ARFGEF1: variants seen among roughly 807,000 people sequenced by gnomAD.
ARFGEF1 encodes the protein brefeldin A-inhibited guanine nucleotide-exchange protein 1.
ARFGEF1 carries 42 observed loss-of-function variants against 231.0 expected under a neutral mutation model. That is an observed-to-expected ratio of 0.18 (90% CI 0.14 to 0.24). The LOEUF is 0.24. ARFGEF1 is among the 10% of genes least tolerant of loss of function. The pLI is 1.00. For synonymous variants in ARFGEF1, 710 were observed against 732.3 expected (o/e 0.97, Z 0.49); for missense variants, 1,345 against 2,192.0 (o/e 0.61, Z 7.72).
chr8:67,343,038 G>A, intron 1 of ARFGEF1, 126 bp downstream of exon 1: 4 of 1,142,234 alleles, frequency 3.5e-6, no homozygotes, highest in South Asian at 1.5e-5. Context: ...AGAGGGCTCC[G>A]CGAGGGCTTC....
At chr8:67,209,890 T>C (rs1314785836) in intron 34 of ARFGEF1, among the ~76,000 whole-genome samples, 3 of 151,680 alleles carry the variant, frequency 2.0e-5, no homozygotes, top group South Asian at 2.1e-4. Flanking sequence ...CGGTGGCTCA[T>C]GCCTGTAATC....
chr8:67,290,569 G>C (rs1427960649), intron 6 of ARFGEF1, among the ~76,000 whole-genome samples: 1 of 152,126 alleles, frequency 6.6e-6, no homozygotes, highest in Non-Finnish European at 1.5e-5. Context: ...AGCAGTGGCT[G>C]TATCTCCATC....
Position 67,228,106 on chromosome 8 carries a change from C to T in ARFGEF1, c.3448G>A (p.Val1150Met). Residue 1150 changes from valine to methionine, a missense_variant, in exon 25 of 39, where the codon GTG becomes ATG. Physicochemically the swap from Val to Met is conservative, Grantham distance 21 (BLOSUM62 1). Around this residue, in one of 14 missense-constraint regions of ARFGEF1, gnomAD observed 146 missense variants for 321.4 expected, o/e 0.45. Coordinates refer to ENST00000262215, the MANE Select transcript of ARFGEF1 (RefSeq NM_006421.5). ...GTGGAAAGTAATTCATCCATAGACA[C>T]AGCACAGAGCCAACGGACAAAATCC... Reference protein sequence around the residue: ...IVDFVRWLCAVSMDELLSTTH... With the variant: ...IVDFVRWLCAMSMDELLSTTH... 2 of 1,610,172 alleles carry T rather than the reference C, an allele frequency of 1.2e-6. No individual in the cohort carries two copies. The highest frequency in any genetic ancestry group is 1.7e-6 in the Non-Finnish European group (2 of 1,178,698).
At chr8:67,252,141 G>A (rs896797665) in intron 18 of ARFGEF1, among the ~76,000 whole-genome samples, 3 of 151,886 alleles carry the variant, frequency 2.0e-5, no homozygotes, top group Non-Finnish European at 4.4e-5. Flanking sequence ...GTGTGGTGGC[G>A]CACGCCTGTA....
intron 9 of ARFGEF1, among the ~76,000 whole-genome samples, chr8:67,273,623 T>G (rs1805193779): frequency 6.6e-6 from 1 of 152,080 alleles, no homozygotes; most frequent in South Asian, 2.1e-4. Context: ...CTACTTTCTC[T>G]GAAATAAAAC....
At chr8:67,278,968 G>A (rs1201107763) in intron 7 of ARFGEF1, among the ~76,000 whole-genome samples, 1 of 151,634 alleles carries the variant, frequency 6.6e-6, no homozygotes, top group Non-Finnish European at 1.5e-5. Flanking sequence ...TATTACATAT[G>A]TAGAAAATGC....
At chr8:67,296,302 A>G (rs1439819331) in intron 5 of ARFGEF1, 129 bp downstream of exon 5, 1 of 859,184 alleles carries the variant, frequency 1.2e-6, no homozygotes, top group Non-Finnish European at 1.7e-6. Context: ...AATCTCCAGT[A>G]AGTGGAAATG....
intron 7 of ARFGEF1, 80 bp from the exon 8 acceptor site, chr8:67,277,537 T>C: frequency 7.5e-7 from 1 of 1,333,384 alleles, no homozygotes; most frequent in Non-Finnish European, 1.0e-6. Flanking sequence ...GTATTTAAAA[T>C]GAAACAGTGG....
Position 67,198,192 on chromosome 8 carries a change from T to G in ARFGEF1, c.*742A>C. On this transcript the variant is annotated 3_prime_UTR_variant, in exon 39 of 39. Coordinates refer to ENST00000262215, the MANE Select transcript of ARFGEF1 (RefSeq NM_006421.5). ...TGTTGAAGTGTCGGCCACAACAGCTTCTGGGCATGTTACAGCCTCAAAATC... is the reference window on the plus strand; with the variant it reads ...TGTTGAAGTGTCGGCCACAACAGCTGCTGGGCATGTTACAGCCTCAAAATC... 1 of 985,736 alleles carries G rather than the reference T, an allele frequency of 1.0e-6. No homozygotes were observed. The highest frequency in any genetic ancestry group is 1.7e-5 in the African/African-American group (1 of 57,304). 61.1% of individuals were successfully genotyped at this position (985,736 alleles called of 1,614,324 possible). A position where few individuals can be genotyped will look rare whatever the true frequency, so the allele number is the denominator to read the frequency against.
chr8:67,278,884 C>G (rs964063974), intron 7 of ARFGEF1, among the ~76,000 whole-genome samples: 1 of 152,120 alleles, frequency 6.6e-6, no homozygotes, highest in Non-Finnish European at 1.5e-5. Context: ...TGAAAACAGA[C>G]GCTTTCTTAA....
At chr8:67,340,475 T>C (rs1208696352) in intron 1 of ARFGEF1, among the ~76,000 whole-genome samples, 1 of 152,132 alleles carries the variant, frequency 6.6e-6, no homozygotes, top group South Asian at 2.1e-4. Flanking sequence ...GTCTCAATAG[T>C]GAAGTGGAGA....
At position 67,225,028 on chromosome 8, in the gene ARFGEF1, G is replaced by A. The variant is rs762169135; in HGVS notation, c.4083C>T (p.Phe1361=). The A allele has an allele frequency of 3.8e-6, 6 of 1,591,122 alleles. No individual in the cohort carries two copies. The highest frequency in any genetic ancestry group is 5.1e-6 in the Non-Finnish European group (6 of 1,170,468). ...TCATATCATCGCTTGTGTATTCCTTGAAAGCCTTCAAGAAAAAAGGTAGGG... is the reference window on the plus strand; with the variant it reads ...TCATATCATCGCTTGTGTATTCCTTAAAAGCCTTCAAGAAAAAAGGTAGGG... ...AKYVSDRPQA[F]KEYTSDDMNV... is the part of the protein sequence containing the mutation. The change falls in exon 29 of 39, where the codon TTC becomes TTT. Residue 1361 remains phenylalanine, a synonymous_variant. Transcript: ENST00000262215.
chr8:67,310,485 A>C (rs1027799465), intron 1 of ARFGEF1, among the ~76,000 whole-genome samples: 4 of 152,196 alleles, frequency 2.6e-5, no homozygotes, highest in African/African-American at 9.6e-5. Flanking sequence ...GGCCTCCCAA[A>C]GTGCCGAGAT....
intron 1 of ARFGEF1, among the ~76,000 whole-genome samples, chr8:67,303,368 T>C (rs1332215765): frequency 6.6e-6 from 1 of 152,212 alleles, no homozygotes; most frequent in African/African-American, 2.4e-5. Context: ...CTATTTATAC[T>C]ATAAGGTATC....
In ARFGEF1 at chr8:67,200,371, G is replaced by T. The variant is rs139219534; in HGVS notation, c.5385+25C>A. 1,528 of 1,472,414 alleles carry T rather than the reference G, an allele frequency of 1.0e-3. 2 individuals carry two copies. Among genetic ancestry groups the T allele is most frequent in the Non-Finnish European group, 1.4e-3 (1,433 of 1,051,454 alleles). 91.2% of individuals were successfully genotyped at this position (1,472,414 alleles called of 1,614,324 possible). On this transcript the variant is annotated intron_variant, in intron 38 of 38. Transcript: ENST00000262215. ...ATGCGAATTGGGCTAGAAATGTGGGGCTGGATTCGAAGCCTCATACTTACC... is the reference window on the plus strand; with the variant it reads ...ATGCGAATTGGGCTAGAAATGTGGGTCTGGATTCGAAGCCTCATACTTACC...
intron 22 of ARFGEF1, among the ~76,000 whole-genome samples, chr8:67,235,332 A>T (rs1200151345): frequency 6.6e-6 from 1 of 152,070 alleles, no homozygotes; most frequent in Non-Finnish European, 1.5e-5. Context: ...AGCTCAAGAA[A>T]GGCTTCACGT....
Position 67,198,073 on chromosome 8 carries a change from T to C in ARFGEF1, c.*861A>G. 1.0e-6 allele frequency: 1 copy of C among 985,866 alleles called. No homozygotes were observed. Among genetic ancestry groups the C allele is most frequent in the Non-Finnish European group, 1.2e-6 (1 of 829,936 alleles). The allele number at this position is 985,866 out of a possible 1,614,324, so 61.1% of individuals were successfully genotyped here. A position where few individuals can be genotyped will look rare whatever the true frequency, so the allele number is the denominator to read the frequency against. On this transcript the variant is annotated 3_prime_UTR_variant, in exon 39 of 39. Coordinates refer to ENST00000262215, the MANE Select transcript of ARFGEF1 (RefSeq NM_006421.5). ...TCAAGTTTTGGTCCATAAAGGATCA[T>C]TCTATTTTAATGGCTCATCTTTAAA...
At chr8:67,312,046 C>G (rs926917444) in intron 1 of ARFGEF1, among the ~76,000 whole-genome samples, 1 of 151,916 alleles carries the variant, frequency 6.6e-6, no homozygotes, top group Non-Finnish European at 1.5e-5. Flanking sequence ...GCAGCATGCT[C>G]GGTAAGAGTC....
At chr8:67,323,329 A>G (rs1260798993) in intron 1 of ARFGEF1, among the ~76,000 whole-genome samples, 2 of 152,162 alleles carry the variant, frequency 1.3e-5, no homozygotes, top group African/African-American at 2.4e-5. Context: ...CTTTTTCTCC[A>G]AAAGACCTAA....
Sources: allele counts gnomAD v4.1 joint callset (sites outside exome capture counted in the v4.1 genomes callset), GRCh38; gene constraint gnomAD v4.1.1; regional missense constraint gnomAD v4.1.1; transcripts MANE v1.5; gene names NCBI Gene and HGNC (gene_info 2026-07-23, HGNC 2026-07-21).